DEFB124: variants seen among roughly 807,000 people sequenced by gnomAD.
The protein encoded by DEFB124 is beta-defensin 124.
For synonymous variants in DEFB124, 38 were observed against 36.5 expected (o/e 1.04, Z -0.15); for missense variants, 78 against 83.1 (o/e 0.94, Z 0.24).
intron 1 of DEFB124, 105 bp from the exon 2 acceptor site, chr20:31,473,143 T>A: frequency 1.0e-6 from 1 of 994,972 alleles, no homozygotes. Flanking sequence ...GCAGCAGGCC[T>A]AAGTGGGAGT....
chr20:31,467,962 A>G (rs1343302144), intron 2 of DEFB124, among the ~76,000 whole-genome samples: 1 of 152,192 alleles, frequency 6.6e-6, no homozygotes, highest in South Asian at 2.1e-4. Context: ...TATGTTGCCC[A>G]TGCTGGTCTC....
chr20:31,469,389 C>A (rs187338942), intron 2 of DEFB124, among the ~76,000 whole-genome samples: 1 of 151,834 alleles, frequency 6.6e-6, no homozygotes, highest in African/African-American at 2.4e-5. Flanking sequence ...TGCCATTGCA[C>A]GAGCAACAAG....
At chr20:31,469,492 G>A (rs1460585841) in intron 2 of DEFB124, among the ~76,000 whole-genome samples, 3 of 150,246 alleles carry the variant, frequency 2.0e-5, no homozygotes, top group Admixed American at 1.3e-4. Flanking sequence ...GGTGTTTCTC[G>A]CAGAGGGGGA....
chr20:31,472,500 A>T (rs1322660626), intron 2 of DEFB124: 2 of 154,192 alleles, frequency 1.3e-5, no homozygotes, highest in African/African-American at 4.9e-5. Flanking sequence ...CTTATCAGAG[A>T]CCTTCTCTGT....
intron 2 of DEFB124, among the ~76,000 whole-genome samples, chr20:31,466,246 T>C (rs1354119670): frequency 2.6e-5 from 4 of 152,142 alleles, no homozygotes; most frequent in African/African-American, 7.2e-5. Context: ...TATACGATTA[T>C]AGTTAGTCTT....
chr20:31,474,153 C>T (rs543886824), intron 1 of DEFB124, among the ~76,000 whole-genome samples: 5 of 152,174 alleles, frequency 3.3e-5, no homozygotes, highest in Non-Finnish European at 7.3e-5. Flanking sequence ...AGAGTGTAAG[C>T]TGTTCATATT....
At chr20:31,471,332 C>G (rs1299686703) in intron 2 of DEFB124, among the ~76,000 whole-genome samples, 17 of 67,058 alleles carry the variant, frequency 2.5e-4, no homozygotes, top group South Asian at 5.7e-4. Context: ...CCACCTCCCT[C>G]CCGGACGGGG....
chr20:31,474,488 G>A (rs989423573), intron 1 of DEFB124, among the ~76,000 whole-genome samples, 139 bp downstream of exon 1: 6 of 152,226 alleles, frequency 3.9e-5, no homozygotes, highest in Non-Finnish European at 7.3e-5. Flanking sequence ...CACAGGTGCA[G>A]CCTGGTCTCC....
intron 2 of DEFB124, among the ~76,000 whole-genome samples, chr20:31,472,425 G>GGGGAGAGGGGAGAA: frequency 1.4e-5 from 2 of 143,116 alleles, no homozygotes; most frequent in African/African-American, 2.6e-5. Context: ...GAGAGGGAGA[G>GGGGAGAGGGGAGAA]GGGAGAGGGG....
At position 31,473,003 on chromosome 20, in the gene DEFB124, A is replaced by G. The variant is rs755785124; in HGVS notation, c.11T>C (p.Leu4Pro). MTQ[L>P]LLFLVALLVL... ...CAGGAGAGCCACAAGGAACAGAAGCAGCTGTGTCATGGCCACGGGGCTCCT... is the reference window on the plus strand; with the variant it reads ...CAGGAGAGCCACAAGGAACAGAAGCGGCTGTGTCATGGCCACGGGGCTCCT... The change falls in exon 2 of 3, where the codon CTG becomes CCG. Residue 4 changes from leucine (L) to proline (P), a missense_variant. Physicochemically the swap from Leu to Pro is moderately conservative, Grantham distance 98. Transcript: ENST00000317676. 26 of 1,614,022 alleles carry G rather than the reference A, an allele frequency of 1.6e-5. No individual in the cohort carries two copies. In the South Asian group the frequency reaches 2.9e-4, roughly 18 times the overall value.
chr20:31,473,930 C>T (rs1006437464), intron 1 of DEFB124, among the ~76,000 whole-genome samples: 8 of 152,166 alleles, frequency 5.3e-5, no homozygotes, highest in African/African-American at 1.9e-4. Context: ...AGAACAGTGT[C>T]TGGTACACAG....
chr20:31,469,423 A>G (rs1391895716), intron 2 of DEFB124, among the ~76,000 whole-genome samples: 1 of 152,216 alleles, frequency 6.6e-6, no homozygotes, highest in Non-Finnish European at 1.5e-5. Flanking sequence ...CTCAAAAAGT[A>G]GAAAAAGAAA....
chr20:31,470,428 G>T (rs1353397328), intron 2 of DEFB124, among the ~76,000 whole-genome samples: 2 of 140,456 alleles, frequency 1.4e-5, no homozygotes, highest in Admixed American at 1.4e-4. Flanking sequence ...CCGGGCGGGG[G>T]GCTGAGCCCC....
chr20:31,470,619 C>A (rs1980236847), intron 2 of DEFB124, among the ~76,000 whole-genome samples: 1 of 112,694 alleles, frequency 8.9e-6, no homozygotes, highest in Non-Finnish European at 1.8e-5. Context: ...CCCCCCCCCA[C>A]CTCCCTCCCG....
intron 2 of DEFB124, among the ~76,000 whole-genome samples, chr20:31,466,621 A>C (rs564032785): frequency 6.7e-6 from 1 of 148,840 alleles, no homozygotes; most frequent in Admixed American, 6.6e-5. Context: ...ATATATATAT[A>C]TAAAACCTTA....
intron 2 of DEFB124, among the ~76,000 whole-genome samples, chr20:31,471,805 G>C (rs1980323998): frequency 6.6e-6 from 1 of 150,650 alleles, no homozygotes; most frequent in African/African-American, 2.4e-5. Flanking sequence ...TCAGACGATG[G>C]GCGGCCGGGC....
intron 2 of DEFB124, among the ~76,000 whole-genome samples, chr20:31,471,602 C>T (rs1980311520): frequency 6.7e-6 from 1 of 149,090 alleles, no homozygotes; most frequent in African/African-American, 2.5e-5. Context: ...CCTCACTTCC[C>T]AGACGGGGTG....
chr20:31,468,998 G>C (rs1013209852), intron 2 of DEFB124, among the ~76,000 whole-genome samples: 1 of 152,046 alleles, frequency 6.6e-6, no homozygotes, highest in Non-Finnish European at 1.5e-5. Context: ...TGCTGTTACA[G>C]TATTCTGTAT....
intron 2 of DEFB124, among the ~76,000 whole-genome samples, chr20:31,470,374 C>CG (rs1261391645): frequency 4.9e-5 from 7 of 142,036 alleles, no homozygotes; most frequent in Non-Finnish European, 4.6e-5. Flanking sequence ...GCTGGCCGGG[C>CG]GGGGGGCTGA....
Sources: allele counts gnomAD v4.1 joint callset (sites outside exome capture counted in the v4.1 genomes callset), GRCh38; gene constraint gnomAD v4.1.1; transcripts MANE v1.5; gene names NCBI Gene and HGNC (gene_info 2026-07-23, HGNC 2026-07-21).